Variants in KIAA0232 observed in about 807,000 individuals in gnomAD.
The protein encoded by KIAA0232 is KIAA0232.
Under a neutral mutation model 122.0 loss-of-function variants are expected in KIAA0232, and 27 were observed. That is an observed-to-expected ratio of 0.22 (90% CI 0.16 to 0.31). The LOEUF is 0.31. Among genes scored for constraint, KIAA0232 ranks in the 10% least tolerant of loss-of-function variants. The pLI is 1.00. For synonymous variants in KIAA0232, 613 were observed against 587.6 expected, an observed-to-expected ratio of 1.04 and a Z score of -0.63; for missense variants, 1,551 against 1,634.2, an observed-to-expected ratio of 0.95 and a Z score of 0.88.
chr4:6,863,834 T>G lies in KIAA0232; in HGVS notation c.3452T>G (p.Leu1151Arg). 6.2e-7 allele frequency: 1 copy of G among 1,614,130 alleles called. No homozygotes were observed. The highest frequency in any genetic ancestry group is 8.5e-7 in the Non-Finnish European group (1 of 1,180,020). ...VDIFEDPQAD[L>R]KPLEEDAEKE... is the part of the protein sequence containing the mutation. ...ATATTTGAAGATCCGCAGGCAGATC[T>G]CAAACCTTTGGAAGAAGATGCAGAG... Residue 1151 changes from leucine (L) to arginine (R), a missense_variant, in exon 7 of 10, where the codon CTC becomes CGC. Leu to Arg is a moderately radical substitution (Grantham distance 102). Transcript: ENST00000307659.
chr4:6,811,195 G>C (rs1717859965), intron 2 of KIAA0232, among the ~76,000 whole-genome samples: 1 of 152,116 alleles, frequency 6.6e-6, no homozygotes, highest in Admixed American at 6.6e-5. Context: ...TAACAAAGAT[G>C]TAGAATCAAC....
chr4:6,785,405 G>A (rs1716573872), intron 1 of KIAA0232, among the ~76,000 whole-genome samples: 1 of 152,158 alleles, frequency 6.6e-6, no homozygotes, highest in South Asian at 2.1e-4. Context: ...TGTTTTTGTA[G>A]CATTTGACTT....
At chr4:6,877,795 A>G (rs1721834654) in intron 9 of KIAA0232, among the ~76,000 whole-genome samples, 1 of 152,022 alleles carries the variant, frequency 6.6e-6, no homozygotes, top group Admixed American at 6.6e-5. Flanking sequence ...ATCAAATGTT[A>G]ATCTCCTTTG....
chr4:6,788,714 T>C (rs1429389955), intron 1 of KIAA0232, among the ~76,000 whole-genome samples: 1 of 152,248 alleles, frequency 6.6e-6, no homozygotes, highest in Non-Finnish European at 1.5e-5. Flanking sequence ...TTACAGTCTC[T>C]GATTTCAGGA....
In KIAA0232 at chr4:6,862,313, T is replaced by A; in HGVS notation, c.1931T>A (p.Ile644Lys). The part of the protein sequence containing the change: ...LFSDINEGSG[I>K]NSCFSVFEVQ... ...TCAGATATTAATGAAGGATCTGGTA[T>A]AAACTCTTGTTTTTCAGTGTTTGAA... Residue 644 changes from isoleucine to lysine, a missense_variant, in exon 7 of 10, where the codon ATA becomes AAA. Ile to Lys is a moderately radical substitution (Grantham distance 102). Around this residue, in one of 5 missense-constraint regions of KIAA0232, gnomAD observed 1,108 missense variants for 1,154.8 expected, o/e 0.96. Transcript: ENST00000307659. 3 of 1,614,188 alleles carry A rather than the reference T, an allele frequency of 1.9e-6. No individual in the cohort carries two copies. Among genetic ancestry groups the A allele is most frequent in the South Asian group, 1.1e-5 (1 of 91,084 alleles).
At chr4:6,807,243 A>C (rs1243402631) in intron 2 of KIAA0232, among the ~76,000 whole-genome samples, 1 of 152,170 alleles carries the variant, frequency 6.6e-6, no homozygotes, top group Non-Finnish European at 1.5e-5. Context: ...CAGATTAACC[A>C]AATCTGTTAC....
chr4:6,852,982 C>G (rs7682699), intron 4 of KIAA0232, among the ~76,000 whole-genome samples: 3 of 152,102 alleles, frequency 2.0e-5, no homozygotes, highest in African/African-American at 7.2e-5. Flanking sequence ...CATTGGGGGC[C>G]CCAGAGTAAC....
chr4:6,785,740 A>G (rs1228192375), intron 1 of KIAA0232, among the ~76,000 whole-genome samples: 1 of 152,144 alleles, frequency 6.6e-6, no homozygotes, highest in Non-Finnish European at 1.5e-5. Flanking sequence ...TTTGGAGCTT[A>G]GAATTCAGAG....
At chr4:6,792,695 G>T (rs73213645) in intron 1 of KIAA0232, among the ~76,000 whole-genome samples, 14,988 of 124,566 alleles carry the variant, frequency 0.12, 710 homozygotes, top group East Asian at 0.25. Context: ...TTTTTTTTTT[G>T]TTTTTTTTTT....
At chr4:6,792,438 T>A (rs1716937272) in intron 1 of KIAA0232, among the ~76,000 whole-genome samples, 1 of 152,252 alleles carries the variant, frequency 6.6e-6, no homozygotes, top group South Asian at 2.1e-4. Flanking sequence ...ATTTGTCATG[T>A]TAAAAATTTT....
chr4:6,881,297 A>G lies in KIAA0232; in HGVS notation c.*331A>G, dbSNP rs546194293. On this transcript the variant is annotated 3_prime_UTR_variant, in exon 10 of 10. Transcript: ENST00000307659. ...GTTAATTTTCCTTCCGACTGCGGTTATATCACTATGACCTTACTAGCATTG... is the reference window on the plus strand; with the variant it reads ...GTTAATTTTCCTTCCGACTGCGGTTGTATCACTATGACCTTACTAGCATTG... 19 of 179,924 alleles carry G rather than the reference A, an allele frequency of 1.1e-4. No individual in the cohort carries two copies. In the South Asian group the frequency reaches 1.1e-3, roughly 10 times the overall value. The allele number at this position is 179,924 out of a possible 1,614,324, so 11.1% of individuals were successfully genotyped here. A position where few individuals can be genotyped will look rare whatever the true frequency, so the allele number is the denominator to read the frequency against.
At chr4:6,877,275 G>A (rs1009108110) in intron 9 of KIAA0232, among the ~76,000 whole-genome samples, 6 of 152,148 alleles carry the variant, frequency 3.9e-5, no homozygotes, top group South Asian at 2.1e-4. Flanking sequence ...ATGTACTTGC[G>A]TTCCGTTTCT....
chr4:6,820,182 T>G (rs1055716686), intron 2 of KIAA0232, among the ~76,000 whole-genome samples: 1 of 152,062 alleles, frequency 6.6e-6, no homozygotes, highest in Admixed American at 6.6e-5. Flanking sequence ...GAATAATTCA[T>G]ACCCCAAACC....
intron 3 of KIAA0232, among the ~76,000 whole-genome samples, chr4:6,839,597 G>A (rs1719535846): frequency 6.6e-6 from 1 of 152,218 alleles, no homozygotes; most frequent in Non-Finnish European, 1.5e-5. Flanking sequence ...AAGGAATAGT[G>A]TGTACAAAGA....
intron 1 of KIAA0232, among the ~76,000 whole-genome samples, 200 bp downstream of exon 1, chr4:6,783,041 C>T (rs1184865881): frequency 1.3e-5 from 2 of 150,882 alleles, no homozygotes; most frequent in East Asian, 3.9e-4. Context: ...CTAAGGGAGG[C>T]CGAGCCGCCG....
At chr4:6,797,705 G>A (rs1246502323) in intron 1 of KIAA0232, among the ~76,000 whole-genome samples, 1 of 149,928 alleles carries the variant, frequency 6.7e-6, no homozygotes. Context: ...ATTCCAGGCT[G>A]CAGTGAGCCA....
chr4:6,842,737 C>T (rs931137758), intron 4 of KIAA0232, among the ~76,000 whole-genome samples: 1 of 152,062 alleles, frequency 6.6e-6, no homozygotes, highest in Non-Finnish European at 1.5e-5. Flanking sequence ...AGGCACGTGC[C>T]ACCATGCCTG....
intron 1 of KIAA0232, among the ~76,000 whole-genome samples, chr4:6,799,405 G>A (rs1314873481): frequency 6.6e-6 from 1 of 151,498 alleles, no homozygotes. Flanking sequence ...GGGGGAAACA[G>A]TTCAGTCCAC....
chr4:6,863,600 A>T lies in KIAA0232; in HGVS notation c.3218A>T (p.Lys1073Ile). 6.2e-7 allele frequency: 1 copy of T among 1,614,110 alleles called. No homozygotes were observed. The highest frequency in any genetic ancestry group is 8.5e-7 in the Non-Finnish European group (1 of 1,180,030). Residue 1073 changes from lysine to isoleucine, a missense_variant, in exon 7 of 10, where the codon AAA becomes ATA. Lys to Ile is a moderately radical substitution (Grantham distance 102). This residue lies in a region of KIAA0232 where 1,108 missense variants were observed against 1,154.8 expected (regional missense o/e 0.96). Coordinates refer to ENST00000307659, the MANE Select transcript of KIAA0232 (RefSeq NM_014743.3). ...TCTTTCAGCCCCAGTTTTAAACCGA[A>T]ATCAATCCTCTGTTCTGATTCAGAC... The part of the protein sequence containing the change: ...IASFSPSFKP[K>I]SILCSDSDSE...
Sources: allele counts gnomAD v4.1 joint callset (sites outside exome capture counted in the v4.1 genomes callset), GRCh38; gene constraint gnomAD v4.1.1; regional missense constraint gnomAD v4.1.1; transcripts MANE v1.5; gene names NCBI Gene and HGNC (gene_info 2026-07-23, HGNC 2026-07-21).